The following PROK2 variants were observed in gnomAD, a reference collection of about 807,000 sequenced individuals.
PROK2 encodes prokineticin 2.
Under a neutral mutation model 14.2 loss-of-function variants are expected in PROK2, and 8 were observed. That is an observed-to-expected ratio of 0.56 (90% CI 0.33 to 1.02). The LOEUF is 1.02. Among genes scored for constraint, PROK2 ranks in the 50% least tolerant of loss-of-function variants. The pLI is 0.03. For synonymous variants in PROK2, 59 were observed against 60.7 expected (o/e 0.97, Z 0.13); for missense variants, 154 against 160.4 (o/e 0.96, Z 0.22).
chr3:71,781,446 T>C (rs1044420965), intron 2 of PROK2, 21 bp downstream of exon 2: 15 of 1,613,456 alleles, frequency 9.3e-6, no homozygotes, highest in Non-Finnish European at 1.3e-5. Flanking sequence ...CCACCATGAA[T>C]ACAAATATAT....
chr3:71,773,699 GAGA>G lies in PROK2; in HGVS notation c.285+743_285+745del, dbSNP rs771566637. 7.2e-5 allele frequency among the ~76,000 whole-genome samples: 11 copies of G among 152,308 alleles called. No homozygotes were observed. In the South Asian group the frequency reaches 2.3e-3, roughly 32 times the overall value. ...CTTTAAAAGGAACAGAGGAAAATCA[GAGA>G]AGAAGGCAAGCTCAATTTGCATAAA... is the stretch of plus-strand genomic sequence containing the variant. On this transcript the variant is annotated intron_variant, in intron 3 of 3. Transcript: ENST00000295619.
chr3:71,777,339 TG>T (rs1174173824), intron 2 of PROK2, among the ~76,000 whole-genome samples: 1 of 152,210 alleles, frequency 6.6e-6, no homozygotes, highest in Middle Eastern at 3.2e-3. Flanking sequence ...CCCCATCTTT[TG>T]CTAAATTTCT....
In PROK2 at chr3:71,772,271, A is replaced by G. The variant is rs2108187860; in HGVS notation, c.*453T>C. Reference sequence around the variant, plus strand: ...GAAGAGAAATGGACAAAAATAAAGTAAGGTAAGAGCCTTGAAATTCTTTGA... The same window carrying G: ...GAAGAGAAATGGACAAAAATAAAGTGAGGTAAGAGCCTTGAAATTCTTTGA... On this transcript the variant is annotated 3_prime_UTR_variant, in exon 4 of 4. Transcript: ENST00000295619. The G allele has an allele frequency of 6.1e-6, 1 of 162,946 alleles. No homozygotes were observed. Among genetic ancestry groups the G allele is most frequent in the East Asian group, 1.9e-4 (1 of 5,400 alleles). 10.1% of individuals were successfully genotyped at this position (162,946 alleles called of 1,614,324 possible).
chr3:71,783,451 TAGAC>T (rs2050184493), intron 1 of PROK2, among the ~76,000 whole-genome samples: 2 of 152,304 alleles, frequency 1.3e-5, no homozygotes, highest in African/African-American at 4.8e-5. Flanking sequence ...CTCTAACAGA[TAGAC>T]AGCCAATGTG....
intron 2 of PROK2, 31 bp downstream of exon 2, chr3:71,781,436 C>T (rs1181450797): frequency 6.2e-7 from 1 of 1,612,042 alleles, no homozygotes; most frequent in Non-Finnish European, 8.5e-7. Flanking sequence ...CACAGTAGAA[C>T]CACCATGAAT....
At position 71,772,751 on chromosome 3, in the gene PROK2, G is replaced by T. The variant is rs755926692; in HGVS notation, c.363C>A (p.Asn121Lys). 8 of 1,614,038 alleles carry T rather than the reference G, an allele frequency of 5.0e-6. No individual in the cohort carries two copies. The Admixed American group carries it at 1.3e-4, about 27-fold the overall frequency. Reference sequence around the variant, plus strand: ...ACTTTTGGGCTAAACAAATAAATCGGTTAAATGAAGTCCGTAAACAGGCCA... The same window carrying T: ...ACTTTTGGGCTAAACAAATAAATCGTTTAAATGAAGTCCGTAAACAGGCCA... The part of the protein sequence containing the change: ...PGLACLRTSF[N>K]RFICLAQK The change falls in exon 4 of 4, where the codon AAC becomes AAA. Residue 121 changes from asparagine (N) to lysine (K), a missense_variant. Transcript: ENST00000295619.
At position 71,772,578 on chromosome 3, in the gene PROK2, T is replaced by A; in HGVS notation, c.*146A>T. ...TTTCGATAAAAAAAAAAAAAAATCA[T>A]TTACAAATCAAAGATAAAAATGTTA... On this transcript the variant is annotated 3_prime_UTR_variant, in exon 4 of 4. Transcript: ENST00000295619. The A allele has an allele frequency of 1.4e-6, 1 of 723,108 alleles. No homozygotes were observed. Among genetic ancestry groups the A allele is most frequent in the Non-Finnish European group, 2.3e-6 (1 of 425,566 alleles). The allele number at this position is 723,108 out of a possible 1,614,324, so 44.8% of individuals were successfully genotyped here. A position where few individuals can be genotyped will look rare whatever the true frequency, so the allele number is the denominator to read the frequency against.
Position 71,781,448 on chromosome 3 carries a change from C to T in PROK2, c.222+19G>A. Reference sequence around the variant, plus strand: ...TACCACAGTAGAACCACCATGAATACAAATATATATATACTAACTTTACGA... The same window carrying T: ...TACCACAGTAGAACCACCATGAATATAAATATATATATACTAACTTTACGA... On this transcript the variant is annotated intron_variant, in intron 2 of 3. Transcript: ENST00000295619. 6.2e-7 allele frequency: 1 copy of T among 1,613,562 alleles called. No individual in the cohort carries two copies. The highest frequency in any genetic ancestry group is 8.5e-7 in the Non-Finnish European group (1 of 1,179,526).
chr3:71,781,342 A>G, intron 2 of PROK2, 125 bp downstream of exon 2: 1 of 1,262,750 alleles, frequency 7.9e-7, no homozygotes, highest in Non-Finnish European at 1.2e-6. Flanking sequence ...TTACACTGTT[A>G]TCCTTGCTAA....
At chr3:71,781,745 G>T (rs1372168604) in intron 1 of PROK2, among the ~76,000 whole-genome samples, 153 bp from the exon 2 acceptor site, 1 of 152,138 alleles carries the variant, frequency 6.6e-6, no homozygotes, top group African/African-American at 2.4e-5. Flanking sequence ...TCATTTACTT[G>T]TATATAGCTA....
chr3:71,775,266 T>C (rs1031453413), intron 2 of PROK2, among the ~76,000 whole-genome samples: 1 of 152,216 alleles, frequency 6.6e-6, no homozygotes. Flanking sequence ...AATATGTTTC[T>C]TTCATTCACT....
In PROK2 at chr3:71,783,981, T is replaced by A. The variant is rs11925325; in HGVS notation, c.96+976A>T. ...TACTTCCTTTAAAGTCAAATGATAT[T>A]ATCTATGTATCAACATTTCAAACAT... is the stretch of plus-strand genomic sequence containing the variant. On this transcript the variant is annotated intron_variant, in intron 1 of 3. Transcript: ENST00000295619. Among the ~76,000 whole-genome samples the A allele has an allele frequency of 9.4e-3, 1,427 of 152,360 alleles. 20 individuals carry two copies. The highest frequency in any genetic ancestry group is 0.033 in the African/African-American group (1,359 of 41,574).
intron 3 of PROK2, 37 bp from the exon 4 acceptor site, chr3:71,772,865 G>A (rs887647914): frequency 6.3e-7 from 1 of 1,575,730 alleles, no homozygotes; most frequent in Non-Finnish European, 8.7e-7. Context: ...AGCTGGAAAG[G>A]TTTCAAAAAC....
At chr3:71,780,776 C>A (rs566967470) in intron 2 of PROK2, among the ~76,000 whole-genome samples, 2 of 152,162 alleles carry the variant, frequency 1.3e-5, no homozygotes, top group African/African-American at 4.8e-5. Flanking sequence ...ACCTTCCTGA[C>A]CCCTGTAGAC....
chr3:71,773,648 C>T (rs1185845767), intron 3 of PROK2, among the ~76,000 whole-genome samples: 1 of 152,114 alleles, frequency 6.6e-6, no homozygotes, highest in Non-Finnish European at 1.5e-5. Flanking sequence ...CACACAGATG[C>T]CAGGAGTCAA....
At chr3:71,774,165 T>C (rs1272969315) in intron 3 of PROK2, among the ~76,000 whole-genome samples, 1 of 152,234 alleles carries the variant, frequency 6.6e-6, no homozygotes, top group Admixed American at 6.5e-5. Context: ...GTATTTCTTA[T>C]TCTGTTCCAC....
chr3:71,774,554 G>A, intron 2 of PROK2, 47 bp from the exon 3 acceptor site: 2 of 1,540,778 alleles, frequency 1.3e-6, no homozygotes, highest in African/African-American at 1.4e-5. Flanking sequence ...ACAAAGGGAA[G>A]AAAAAGAGGC....
At position 71,779,055 on chromosome 3, in the gene PROK2, T is replaced by C. The variant is rs145032452; in HGVS notation, c.222+2412A>G. 1.9e-3 allele frequency among the ~76,000 whole-genome samples: 282 copies of C among 152,328 alleles called. 3 individuals are homozygous for C. Among genetic ancestry groups the C allele is most frequent in the African/African-American group, 6.6e-3 (276 of 41,588 alleles). On this transcript the variant is annotated intron_variant, in intron 2 of 3. Transcript: ENST00000295619. ...AATTAATCTTGGACTAAACCTGAAATTGAAGTTATCTAGGAACTAGGGAAA... is the reference window on the plus strand; with the variant it reads ...AATTAATCTTGGACTAAACCTGAAACTGAAGTTATCTAGGAACTAGGGAAA...
intron 1 of PROK2, among the ~76,000 whole-genome samples, chr3:71,782,171 G>A (rs1307945342): frequency 6.6e-6 from 1 of 152,116 alleles, no homozygotes; most frequent in Non-Finnish European, 1.5e-5. Flanking sequence ...CCACTGACTT[G>A]CTTTTTCACC....
Sources: gnomAD v4.1 joint callset for allele counts (sites outside exome capture counted in the v4.1 genomes callset) on GRCh38, gnomAD v4.1.1 for gene constraint, MANE v1.5 for transcripts, NCBI Gene and HGNC (gene_info 2026-07-23, HGNC 2026-07-21) for gene names.